Variants in PRRC2B observed in about 807,000 individuals in gnomAD.
PRRC2B encodes the protein protein PRRC2B.
PRRC2B carries 68 observed loss-of-function variants against 242.3 expected under a neutral mutation model. The ratio of observed to expected loss-of-function variants is 0.28; its 90% CI spans 0.23 to 0.34. The LOEUF (loss-of-function observed/expected upper bound fraction) is 0.34, where lower values mean the gene tolerates loss of function less well. PRRC2B is among the 10% of genes least tolerant of loss of function. The pLI is 1.00. For synonymous variants in PRRC2B, 1,228 were observed against 1,173.6 expected (o/e 1.05, Z -0.95); for missense variants, 2,835 against 2,954.8 (o/e 0.96, Z 0.94).
At chr9:131,477,208 T>G (rs1943729632) in intron 16 of PRRC2B, among the ~76,000 whole-genome samples, 1 of 152,216 alleles carries the variant, frequency 6.6e-6, no homozygotes, top group South Asian at 2.1e-4. Flanking sequence ...CAGGGGCTGC[T>G]GAGGCCTTCC....
chr9:131,387,888 G>T (rs1836845402), intron 1 of PRRC2B, among the ~76,000 whole-genome samples: 1 of 150,678 alleles, frequency 6.6e-6, no homozygotes, highest in African/African-American at 2.4e-5. Context: ...GATATAGTAG[G>T]CTAAATAAAA....
At chr9:131,391,922 G>T (rs1463268552), upstream of PRRC2B, among the ~76,000 whole-genome samples, 1 of 151,776 alleles carries the variant, frequency 6.6e-6, no homozygotes, top group Non-Finnish European at 1.5e-5. Context: ...TGTATTTTTA[G>T]TAGAGACGGG....
At chr9:131,416,634 G>A (rs568433131) in intron 1 of PRRC2B, among the ~76,000 whole-genome samples, 13 of 142,088 alleles carry the variant, frequency 9.1e-5, no homozygotes, top group African/African-American at 3.3e-4. Context: ...TTTTTTTTCC[G>A]TTCTAGGATG....
chr9:131,377,316 T>C (rs1014283144), intron 1 of PRRC2B, among the ~76,000 whole-genome samples: 2 of 152,188 alleles, frequency 1.3e-5, no homozygotes, highest in Non-Finnish European at 2.9e-5. Context: ...GGTTTCACCA[T>C]GTTGGCCAGG....
chr9:131,485,044 G>T lies in PRRC2B; in HGVS notation c.5662G>T (p.Val1888Leu). The T allele has an allele frequency of 6.2e-7, 1 of 1,611,884 alleles. No homozygotes were observed. The highest frequency in any genetic ancestry group is 1.7e-4 in the Middle Eastern group (1 of 6,054). ...AGSGIQPPSS[V>L]GASSGVNYSS... ...CTCAGGCATCCAGCCTCCATCCTCT[G>T]TGGGTGCCTCCAGCGGGGTCAACTA... The change falls in exon 25 of 32, where the codon GTG becomes TTG. Residue 1888 changes from valine (V) to leucine (L), a missense_variant. Val to Leu is a conservative substitution (Grantham distance 32). Coordinates refer to ENST00000683519, the MANE Select transcript of PRRC2B (RefSeq NM_013318.4).
intron 9 of PRRC2B, among the ~76,000 whole-genome samples, chr9:131,449,433 C>T (rs73553633): frequency 7.8e-4 from 119 of 152,128 alleles, no homozygotes; most frequent in African/African-American, 2.7e-3. Context: ...GATCAAAGCT[C>T]ACTGCAGCCT....
chr9:131,429,257 T>G (rs1838059709), intron 1 of PRRC2B, among the ~76,000 whole-genome samples: 1 of 150,374 alleles, frequency 6.7e-6, no homozygotes, highest in Non-Finnish European at 1.5e-5. Context: ...AGGCGCTTAG[T>G]ATTTTGAGTG....
chr9:131,426,322 A>G (rs533665272), intron 1 of PRRC2B, among the ~76,000 whole-genome samples: 1 of 142,400 alleles, frequency 7.0e-6, no homozygotes, highest in African/African-American at 2.6e-5. Flanking sequence ...TGAGCTACAG[A>G]AAGAAACTCT....
At chr9:131,492,330 A>C (rs1944219780) in intron 30 of PRRC2B, 70 bp downstream of exon 30, 3 of 1,292,190 alleles carry the variant, frequency 2.3e-6, no homozygotes, top group Non-Finnish European at 3.4e-6. Flanking sequence ...CCAGTGACTC[A>C]GAAGAATCTG....
chr9:131,408,528 T>TA (rs1837426640), intron 1 of PRRC2B, among the ~76,000 whole-genome samples: 1 of 152,202 alleles, frequency 6.6e-6, no homozygotes, highest in South Asian at 2.1e-4. Flanking sequence ...AAACAGAACT[T>TA]ATGTATATTT....
chr9:131,416,633 C>G (rs186354014), intron 1 of PRRC2B, among the ~76,000 whole-genome samples: 1 of 149,240 alleles, frequency 6.7e-6, no homozygotes, highest in Non-Finnish European at 1.5e-5. Context: ...TTTTTTTTTC[C>G]GTTCTAGGAT....
chr9:131,453,009 G>A (rs945877823), intron 9 of PRRC2B, among the ~76,000 whole-genome samples: 4 of 152,206 alleles, frequency 2.6e-5, no homozygotes, highest in African/African-American at 4.8e-5. Context: ...GCTTCTATGA[G>A]TTAAGGAAAG....
At position 131,487,671 on chromosome 9, in the gene PRRC2B, C is replaced by T. The variant is rs1944065058; in HGVS notation, c.5985-185C>T. On this transcript the variant is annotated intron_variant, in intron 27 of 31. Transcript: ENST00000683519. This position sits in a 1 kb window ranked among gnomAD's most constrained non-coding sequence, Gnocchi z 5.3. The stretch of plus-strand genomic sequence containing the variant: ...GCCTGGATGTCTTCACTTGTTTAAT[C>T]CAGCAGCATCAGCGCCATCTAGGAG... Among the ~76,000 whole-genome samples, 1 of 152,166 alleles carries T rather than the reference C, an allele frequency of 6.6e-6. No homozygotes were observed.
At chr9:131,420,678 C>G (rs976893296) in intron 1 of PRRC2B, among the ~76,000 whole-genome samples, 1 of 150,926 alleles carries the variant, frequency 6.6e-6, no homozygotes, top group Non-Finnish European at 1.5e-5. Context: ...TCAGTAGAGT[C>G]AGGGTGTCGC....
rs114046567 is a variant in PRRC2B at position 131,485,920 on chromosome 9, G to T, written c.5759-165G>T. ...TGCGTGCCAGGCGTGTTGTGAGCAG[G>T]CGTGTGCTTCCGGCACACAGGGAAC... On this transcript the variant is annotated intron_variant, in intron 25 of 31. Transcript: ENST00000683519. Among the ~76,000 whole-genome samples, 1,446 of 152,222 alleles carry T rather than the reference G, an allele frequency of 9.5e-3. 26 individuals carry two copies. Among genetic ancestry groups the T allele is most frequent in the African/African-American group, 0.033 (1,371 of 41,506 alleles).
chr9:131,385,151 G>GCGCC (rs1554756386), intron 1 of PRRC2B, among the ~76,000 whole-genome samples: 11 of 150,022 alleles, frequency 7.3e-5, no homozygotes, highest in Admixed American at 2.8e-4. Context: ...GGGATTACAG[G>GCGCC]CATGAGCTAC....
At chr9:131,390,476 CTTTTTTTTTTT>C (rs10688559), upstream of PRRC2B, among the ~76,000 whole-genome samples, 3 of 41,208 alleles carry the variant, frequency 7.3e-5, no homozygotes, top group South Asian at 1.1e-3. Flanking sequence ...CCTAGCTTGC[CTTTTTTTTTTT>C]TTTTTTTTTT....
intron 4 of PRRC2B, among the ~76,000 whole-genome samples, chr9:131,437,166 G>A (rs915020650): frequency 1.6e-4 from 24 of 152,108 alleles, no homozygotes; most frequent in African/African-American, 5.8e-4. Context: ...CCTTTACTGC[G>A]GTACTTCTCA....
At chr9:131,468,400 C>T (rs914852749) in intron 13 of PRRC2B, among the ~76,000 whole-genome samples, 13 of 152,124 alleles carry the variant, frequency 8.5e-5, no homozygotes, top group Non-Finnish European at 5.9e-5. Flanking sequence ...CATGCCATAT[C>T]GCCTATAAAC....
Sources: allele counts gnomAD v4.1 joint callset (sites outside exome capture counted in the v4.1 genomes callset), GRCh38; gene constraint gnomAD v4.1.1; non-coding constraint Gnocchi (gnomAD v3.1); transcripts MANE v1.5; gene names NCBI Gene and HGNC (gene_info 2026-07-23, HGNC 2026-07-21).